Variants in ADGRL3 observed in about 807,000 individuals in gnomAD.
ADGRL3 encodes the protein calcium-independent alpha-latrotoxin receptor 3.
Under a neutral mutation model 153.5 loss-of-function variants are expected in ADGRL3, and 62 were observed. That is an observed-to-expected ratio of 0.40 (90% CI 0.33 to 0.50). ADGRL3 has a LOEUF of 0.50. ADGRL3 is among the 20% of genes least tolerant of loss of function. ADGRL3 has a pLI of 0.47. For missense variants in ADGRL3, 1,641 were observed against 1,859.4 expected (o/e 0.88, Z 2.16); for synonymous variants, 710 against 672.5 (o/e 1.06, Z -0.86).
chr4:61,728,385 T>C (rs946226458), intron 6 of ADGRL3, among the ~76,000 whole-genome samples: 5 of 152,054 alleles, frequency 3.3e-5, no homozygotes, highest in South Asian at 2.1e-4. Flanking sequence ...AAATGGCAGT[T>C]GAGTTAATAG....
intron 2 of ADGRL3, among the ~76,000 whole-genome samples, chr4:61,477,996 C>G (rs1401785251): frequency 6.6e-6 from 1 of 151,926 alleles, no homozygotes; most frequent in Non-Finnish European, 1.5e-5. Flanking sequence ...GGACTTCATA[C>G]TTTTTACATA....
At chr4:61,496,557 G>A (rs1017989137) in intron 2 of ADGRL3, among the ~76,000 whole-genome samples, 5 of 151,996 alleles carry the variant, frequency 3.3e-5, no homozygotes, top group South Asian at 2.1e-4. Context: ...CAGGAGAATC[G>A]CGTGAACCCG....
intron 25 of ADGRL3, among the ~76,000 whole-genome samples, chr4:62,052,948 AT>A (rs1470975802): frequency 6.6e-6 from 1 of 151,418 alleles, no homozygotes; most frequent in Non-Finnish European, 1.5e-5. Flanking sequence ...TGTATTGCTA[AT>A]TCTGGTTTTA....
At position 61,371,270 on chromosome 4, in the gene ADGRL3, A is replaced by G. The variant is rs543166667; in HGVS notation, c.-239-11854A>G. The stretch of plus-strand genomic sequence containing the variant: ...TGTTATGTGTGAATTTGATCCTGTC[A>G]TTATGATGTTAGCTGGTTATTTTGC... On this transcript the variant is annotated intron_variant, in intron 1 of 26. Coordinates refer to ENST00000683033, the MANE Select transcript of ADGRL3 (RefSeq NM_001387552.1). Among the ~76,000 whole-genome samples, 820 of 151,226 alleles carry G rather than the reference A, an allele frequency of 5.4e-3. 8 individuals carry two copies. The highest frequency in any genetic ancestry group is 0.019 in the African/African-American group (777 of 41,152).
At chr4:61,357,278 C>G (rs952787811) in intron 1 of ADGRL3, among the ~76,000 whole-genome samples, 1 of 151,714 alleles carries the variant, frequency 6.6e-6, no homozygotes. Context: ...TTTAGGAATA[C>G]GAAAACTATT....
At chr4:61,219,176 C>T (rs933701340) in intron 1 of ADGRL3, among the ~76,000 whole-genome samples, 2 of 152,106 alleles carry the variant, frequency 1.3e-5, no homozygotes, top group East Asian at 1.9e-4. Context: ...CTATGCTGTA[C>T]TCTAATTAGA....
chr4:61,356,920 C>T (rs1487762400), intron 1 of ADGRL3, among the ~76,000 whole-genome samples: 2 of 151,940 alleles, frequency 1.3e-5, no homozygotes, highest in African/African-American at 4.8e-5. Context: ...GCTGTTTTCT[C>T]AATGTACTCA....
At chr4:61,500,029 C>CAGAGAGAGAGAGAGAGAGAGAGAGAG (rs10673228) in intron 3 of ADGRL3, among the ~76,000 whole-genome samples, 9 of 140,458 alleles carry the variant, frequency 6.4e-5, no homozygotes, top group Non-Finnish European at 9.1e-5. Context: ...CACACAGAAA[C>CAGAGAGAGAGAGAGAGAGAGAGAGAG]AGAGAGAGAG....
chr4:61,438,955 C>T lies in ADGRL3; in HGVS notation c.-174+55766C>T, dbSNP rs550321067. Reference sequence around the variant, plus strand: ...ATCGCCTGACCTCATGATCCGCCCACCTCTGCCTCCCAAAGTGCGGTTGTT... The same window carrying T: ...ATCGCCTGACCTCATGATCCGCCCATCTCTGCCTCCCAAAGTGCGGTTGTT... On this transcript the variant is annotated intron_variant, in intron 2 of 26. Coordinates refer to ENST00000683033, the MANE Select transcript of ADGRL3 (RefSeq NM_001387552.1). Among the ~76,000 whole-genome samples, 27 of 152,148 alleles carry T rather than the reference C, an allele frequency of 1.8e-4. 1 individual carries two copies. The South Asian group carries it at 5.6e-3, about 32-fold the overall frequency.
At chr4:61,236,660 A>G (rs1458970434) in intron 1 of ADGRL3, among the ~76,000 whole-genome samples, 1 of 152,194 alleles carries the variant, frequency 6.6e-6, no homozygotes, top group Non-Finnish European at 1.5e-5. Flanking sequence ...TTTAGCCTCC[A>G]TAAGTAGAGG....
At chr4:61,416,328 G>T (rs2097144465) in intron 2 of ADGRL3, among the ~76,000 whole-genome samples, 1 of 151,486 alleles carries the variant, frequency 6.6e-6, no homozygotes, top group Admixed American at 6.6e-5. Flanking sequence ...ATGCCTATTA[G>T]AAAAAAAATT....
chr4:61,875,045 T>C (rs2098467320), intron 9 of ADGRL3, among the ~76,000 whole-genome samples: 1 of 151,274 alleles, frequency 6.6e-6, no homozygotes, highest in Non-Finnish European at 1.5e-5. Context: ...CCTGACCTCA[T>C]GATCCACCCG....
At chr4:61,440,599 T>C (rs2097517853) in intron 2 of ADGRL3, among the ~76,000 whole-genome samples, 1 of 152,166 alleles carries the variant, frequency 6.6e-6, no homozygotes, top group Non-Finnish European at 1.5e-5. Flanking sequence ...TGATTGAGTG[T>C]GATTTTTATA....
chr4:61,513,025 G>A (rs1457860569), intron 3 of ADGRL3, among the ~76,000 whole-genome samples: 1 of 152,068 alleles, frequency 6.6e-6, no homozygotes, highest in African/African-American at 2.4e-5. Context: ...AAAATTTTTA[G>A]TTTATGAAAA....
intron 1 of ADGRL3, among the ~76,000 whole-genome samples, chr4:61,295,558 T>C (rs1463257196): frequency 6.6e-6 from 1 of 152,114 alleles, no homozygotes; most frequent in Non-Finnish European, 1.5e-5. Flanking sequence ...TTTTTGAAAC[T>C]GAGCAAGTTA....
At chr4:61,235,966 A>G (rs1263143302) in intron 1 of ADGRL3, among the ~76,000 whole-genome samples, 1 of 113,224 alleles carries the variant, frequency 8.8e-6, no homozygotes, top group Non-Finnish European at 1.9e-5. Context: ...GAGAGCATTT[A>G]TTTCCTATAT....
chr4:62,064,183 C>T (rs984681317), intron 25 of ADGRL3, among the ~76,000 whole-genome samples: 14 of 152,084 alleles, frequency 9.2e-5, no homozygotes, highest in South Asian at 4.1e-4. Flanking sequence ...GCTTGGGTTC[C>T]GCCTTAGTTC....
chr4:61,667,594 G>A (rs2094844040), intron 5 of ADGRL3, among the ~76,000 whole-genome samples: 1 of 152,084 alleles, frequency 6.6e-6, no homozygotes, highest in African/African-American at 2.4e-5. Context: ...TTCACATTTT[G>A]TGAGGTTTTA....
At position 62,072,900 on chromosome 4, in the gene ADGRL3, A is replaced by T. The variant is rs1324754234; in HGVS notation, c.*1992A>T. ...AAGCTGCAAAGAGAATATTCATTTT[A>T]TAAAGATATAATAAGACTTTTATTG... On this transcript the variant is annotated 3_prime_UTR_variant, in exon 27 of 27. Coordinates refer to ENST00000683033, the MANE Select transcript of ADGRL3 (RefSeq NM_001387552.1). 6.6e-6 allele frequency: 1 copy of T among 152,184 alleles called. No individual in the cohort carries two copies. Among genetic ancestry groups the T allele is most frequent in the African/African-American group, 2.4e-5 (1 of 41,458 alleles). 9.4% of individuals were successfully genotyped at this position (152,184 alleles called of 1,614,324 possible).
Sources: allele counts gnomAD v4.1 joint callset (sites outside exome capture counted in the v4.1 genomes callset), GRCh38; gene constraint gnomAD v4.1.1; transcripts MANE v1.5; gene names NCBI Gene and HGNC (gene_info 2026-07-23, HGNC 2026-07-21).